Variants in KPNA5 observed in about 807,000 individuals in gnomAD.
The protein encoded by KPNA5 is karyopherin subunit alpha 5.
Under a neutral mutation model 71.3 loss-of-function variants are expected in KPNA5, and 46 were observed. That is an observed-to-expected ratio of 0.65 (90% CI 0.51 to 0.83). The LOEUF (loss-of-function observed/expected upper bound fraction) is 0.83, where lower values mean the gene tolerates loss of function less well. Among genes scored for constraint, KPNA5 ranks in the 40% least tolerant of loss-of-function variants. The pLI is 0.00. For synonymous variants in KPNA5, 207 were observed against 201.4 expected, an observed-to-expected ratio of 1.03 and a Z score of -0.24; for missense variants, 547 against 628.3, an observed-to-expected ratio of 0.87 and a Z score of 1.38.
intron 12 of KPNA5, among the ~76,000 whole-genome samples, chr6:116,727,438 A>G (rs974970830): frequency 2.6e-5 from 4 of 152,094 alleles, no homozygotes; most frequent in South Asian, 2.1e-4. Flanking sequence ...AACACAATAC[A>G]ACAATTAGTA....
intron 6 of KPNA5, 72 bp from the exon 7 acceptor site, chr6:116,705,000 C>A: frequency 9.4e-7 from 1 of 1,062,710 alleles, no homozygotes; most frequent in Non-Finnish European, 1.4e-6. Flanking sequence ...TCATTGTGTA[C>A]TAAAATCTCA....
chr6:116,730,052 A>G (rs1779427473), intron 13 of KPNA5, among the ~76,000 whole-genome samples: 1 of 145,014 alleles, frequency 6.9e-6, no homozygotes, highest in African/African-American at 2.5e-5. Flanking sequence ...ACATAATGTT[A>G]TGTATATACT....
chr6:116,710,158 T>G (rs1256376025), intron 7 of KPNA5, among the ~76,000 whole-genome samples: 1 of 152,096 alleles, frequency 6.6e-6, no homozygotes. Flanking sequence ...ATTAATATGG[T>G]TTATTATTTT....
intron 4 of KPNA5, among the ~76,000 whole-genome samples, chr6:116,696,539 G>A (rs960495299): frequency 7.9e-5 from 12 of 152,080 alleles, no homozygotes; most frequent in African/African-American, 2.2e-4. Context: ...TTAAGTCTGC[G>A]ACGGTGACCT....
chr6:116,710,413 A>G lies in KPNA5; in HGVS notation c.656+5253A>G, dbSNP rs184908338. 3.1e-3 allele frequency among the ~76,000 whole-genome samples: 466 copies of G among 152,238 alleles called. 4 individuals carry two copies. Among genetic ancestry groups the G allele is most frequent in the African/African-American group, 0.011 (445 of 41,550 alleles). ...TTTTTAAAAAAAAAATTTTGCGGCT[A>G]CATAGTAGATATGTTTATTTATGGG... On this transcript the variant is annotated intron_variant, in intron 7 of 13. Coordinates refer to ENST00000368564, the MANE Select transcript of KPNA5 (RefSeq NM_001366306.2).
intron 1 of KPNA5, among the ~76,000 whole-genome samples, chr6:116,682,058 A>G (rs1448011268): frequency 6.6e-6 from 1 of 152,176 alleles, no homozygotes; most frequent in Non-Finnish European, 1.5e-5. Flanking sequence ...CGAGGTCAGG[A>G]GATCGAGACC....
Position 116,733,474 on chromosome 6 carries a change from G to A in KPNA5, c.*1151G>A, listed in dbSNP as rs1214364111. On this transcript the variant is annotated 3_prime_UTR_variant, in exon 14 of 14. Transcript: ENST00000368564. ...TACTCAGAGGGTCATTCTGCTGCTT[G>A]TTATGAATCATAGATTACATTCATG... 1 of 151,496 alleles carries A rather than the reference G, an allele frequency of 6.6e-6. No individual in the cohort carries two copies. Among genetic ancestry groups the A allele is most frequent in the African/African-American group, 2.4e-5 (1 of 41,360 alleles). 9.4% of individuals were successfully genotyped at this position (151,496 alleles called of 1,614,324 possible). A position where few individuals can be genotyped will look rare whatever the true frequency, so the allele number is the denominator to read the frequency against.
At chr6:116,725,120 A>G (rs545096338) in intron 10 of KPNA5, among the ~76,000 whole-genome samples, 1 of 152,322 alleles carries the variant, frequency 6.6e-6, no homozygotes, top group South Asian at 2.1e-4. Flanking sequence ...TCTTGAAATG[A>G]AAATGCCATT....
chr6:116,704,981 T>C, intron 6 of KPNA5, 91 bp from the exon 7 acceptor site: 1 of 756,140 alleles, frequency 1.3e-6, no homozygotes, highest in Non-Finnish European at 2.1e-6. Flanking sequence ...TCAGAAACTG[T>C]TGCTTTGTTC....
At chr6:116,692,013 T>G in intron 2 of KPNA5, 42 bp from the exon 3 acceptor site, 4 of 1,268,090 alleles carry the variant, frequency 3.2e-6, no homozygotes, top group Non-Finnish European at 4.6e-6. Flanking sequence ...CTTAATGTTT[T>G]ATGGAAAGCT....
intron 6 of KPNA5, among the ~76,000 whole-genome samples, chr6:116,703,865 T>A (rs1778330627): frequency 1.3e-5 from 2 of 152,266 alleles, no homozygotes; most frequent in African/African-American, 2.4e-5. Context: ...TGCATTTGCA[T>A]AATTTCTTAC....
At chr6:116,681,571 A>G in intron 1 of KPNA5, 1 of 1,290,450 alleles carries the variant, frequency 7.7e-7, no homozygotes, top group Non-Finnish European at 9.8e-7. Flanking sequence ...AGATTCTTTC[A>G]GCAGGTCCTC....
chr6:116,685,051 A>G (rs1777517602), intron 1 of KPNA5, among the ~76,000 whole-genome samples: 1 of 152,236 alleles, frequency 6.6e-6, no homozygotes, highest in African/African-American at 2.4e-5. Flanking sequence ...AGTGAAATGA[A>G]AACTTATGTT....
chr6:116,738,057 T>TTA lies in KPNA5; in HGVS notation c.*5738_*5739dup, dbSNP rs1274452363. 1 of 151,982 alleles carries TTA rather than the reference T, an allele frequency of 6.6e-6. No individual in the cohort carries two copies. Among genetic ancestry groups the TTA allele is most frequent in the African/African-American group, 2.4e-5 (1 of 41,404 alleles). The allele number at this position is 151,982 out of a possible 1,614,324, so 9.4% of individuals were successfully genotyped here. A position where few individuals can be genotyped will look rare whatever the true frequency, so the allele number is the denominator to read the frequency against. ...TATTCAGCTCTAAGTATTTTAAAGT[T>TTA]TATATTATGATTTATTCGTGACCTA... On this transcript the variant is annotated 3_prime_UTR_variant, in exon 14 of 14. Transcript: ENST00000368564.
rs1779545727 is a variant in KPNA5 at position 116,732,827 on chromosome 6, A to G, written c.*504A>G. ...TGCAAATGCTAAATTAGAATGTGAA[A>G]ATATTTATTACCTTAAATTATACAT... is the stretch of plus-strand genomic sequence containing the variant. On this transcript the variant is annotated 3_prime_UTR_variant, in exon 14 of 14. Coordinates refer to ENST00000368564, the MANE Select transcript of KPNA5 (RefSeq NM_001366306.2). The G allele has an allele frequency of 6.6e-6, 1 of 151,960 alleles. No individual in the cohort carries two copies. Among genetic ancestry groups the G allele is most frequent in the Non-Finnish European group, 1.5e-5 (1 of 67,870 alleles). The allele number at this position is 151,960 out of a possible 1,614,324, so 9.4% of individuals were successfully genotyped here.
At chr6:116,728,406 A>G (rs1176426119) in intron 12 of KPNA5, among the ~76,000 whole-genome samples, 1 of 152,144 alleles carries the variant, frequency 6.6e-6, no homozygotes, top group African/African-American at 2.4e-5. Flanking sequence ...TATTTGGGAA[A>G]AGACCTCTTG....
rs537000988 is a variant in KPNA5, at chr6:116,710,403, T to A, written c.656+5243T>A. The stretch of plus-strand genomic sequence containing the variant: ...GTGTTCTCTTTTTTTAAAAAAAAAA[T>A]TTTGCGGCTACATAGTAGATATGTT... On this transcript the variant is annotated intron_variant, in intron 7 of 13. Transcript: ENST00000368564. Among the ~76,000 whole-genome samples the A allele has an allele frequency of 3.6e-4, 54 of 152,060 alleles. 1 individual carries two copies. Among genetic ancestry groups the A allele is most frequent in the African/African-American group, 1.3e-3 (53 of 41,478 alleles).
chr6:116,731,644 T>G (rs1347495683), intron 13 of KPNA5, among the ~76,000 whole-genome samples: 2 of 152,156 alleles, frequency 1.3e-5, no homozygotes, highest in African/African-American at 4.8e-5. Context: ...AGCCATATGT[T>G]TTTTATTGTA....
intron 7 of KPNA5, among the ~76,000 whole-genome samples, chr6:116,714,396 A>C (rs1325723424): frequency 6.6e-6 from 1 of 152,338 alleles, no homozygotes; most frequent in African/African-American, 2.4e-5. Context: ...GTTTTTACAG[A>C]TTGGCCCTGC....
Sources: allele counts gnomAD v4.1 joint callset (sites outside exome capture counted in the v4.1 genomes callset), GRCh38; gene constraint gnomAD v4.1.1; transcripts MANE v1.5; gene names NCBI Gene and HGNC (gene_info 2026-07-23, HGNC 2026-07-21).